Variants in CNTNAP5 observed in about 807,000 individuals in gnomAD.
CNTNAP5 encodes contactin associated protein family member 5, also known as contactin-associated protein-like 5.
Under a neutral mutation model 150.2 loss-of-function variants are expected in CNTNAP5, and 72 were observed. The observed-to-expected ratio is 0.48, with a 90% confidence interval of 0.40 to 0.58. The LOEUF (loss-of-function observed/expected upper bound fraction) is 0.58, where lower values mean the gene tolerates loss of function less well. Ranked by LOEUF, CNTNAP5 falls within the 20% of genes least tolerant of loss-of-function variation. The pLI, the probability that CNTNAP5 is intolerant of heterozygous loss-of-function variation, is 0.00. For missense variants in CNTNAP5, 1,636 were observed against 1,626.2 expected (o/e 1.01, Z -0.10); for synonymous variants, 672 against 619.8 (o/e 1.08, Z -1.25).
At chr2:124,355,912 A>G (rs1163181236) in intron 3 of CNTNAP5, among the ~76,000 whole-genome samples, 1 of 152,188 alleles carries the variant, frequency 6.6e-6, no homozygotes, top group East Asian at 1.9e-4. Context: ...AGTGTCTAAA[A>G]GAATAGAGGC....
At chr2:124,468,782 C>A (rs146250520) in intron 6 of CNTNAP5, among the ~76,000 whole-genome samples, 1 of 152,290 alleles carries the variant, frequency 6.6e-6, no homozygotes, top group East Asian at 1.9e-4. Flanking sequence ...CCATTTGTAC[C>A]CTCAACCTGC....
chr2:124,864,467 C>T (rs1573671639), intron 19 of CNTNAP5, among the ~76,000 whole-genome samples: 1 of 149,326 alleles, frequency 6.7e-6, no homozygotes, highest in East Asian at 1.9e-4. Flanking sequence ...TCCCATCTAG[C>T]TTAATCTTAT....
intron 3 of CNTNAP5, among the ~76,000 whole-genome samples, chr2:124,402,112 G>A (rs935952171): frequency 3.1e-4 from 47 of 152,152 alleles, no homozygotes; most frequent in African/African-American, 1.1e-3. Context: ...AGGGGTAAAA[G>A]AATAACAAAG....
intron 17 of CNTNAP5, among the ~76,000 whole-genome samples, chr2:124,785,050 A>G (rs573047890): frequency 0.078 from 11,727 of 151,044 alleles, 799 homozygotes; most frequent in African/African-American, 0.18. Flanking sequence ...AGAAAAAAAA[A>G]AAAAAAACAA....
rs191367883 is a variant in CNTNAP5, at chr2:124,108,773, C to A, written c.82+83041C>A. Reference sequence around the variant, plus strand: ...AACCCTTCACTGGAGAACCACTTGTCCAGTACAGATATAACAGCAACTTCC... The same window carrying A: ...AACCCTTCACTGGAGAACCACTTGTACAGTACAGATATAACAGCAACTTCC... On this transcript the variant is annotated intron_variant, in intron 1 of 23. Coordinates refer to ENST00000682447, the MANE Select transcript of CNTNAP5 (RefSeq NM_001367498.1). Among the ~76,000 whole-genome samples the A allele has an allele frequency of 5.3e-5, 8 of 152,268 alleles. No individual in the cohort carries two copies. In the East Asian group the frequency reaches 1.5e-3, roughly 29 times the overall value.
intron 1 of CNTNAP5, among the ~76,000 whole-genome samples, chr2:124,028,748 G>A (rs554089782): frequency 5.3e-5 from 8 of 152,216 alleles, no homozygotes; most frequent in Non-Finnish European, 7.4e-5. Context: ...GAGCTGAGGA[G>A]TTCTAGCCCT....
chr2:124,208,498 C>T lies in CNTNAP5; in HGVS notation c.83-13207C>T, dbSNP rs146134762. Among the ~76,000 whole-genome samples the T allele has an allele frequency of 3.6e-3, 549 of 152,306 alleles. 4 individuals carry two copies. Among genetic ancestry groups the T allele is most frequent in the African/African-American group, 0.013 (533 of 41,568 alleles). The stretch of plus-strand genomic sequence containing the variant: ...ATAGCATGTGAAAGAATGTCAAAAA[C>T]CAGAGGCCTGGGCTTGAGATTTAGC... On this transcript the variant is annotated intron_variant, in intron 1 of 23. Transcript: ENST00000682447.
At chr2:124,543,707 G>C (rs937867642) in intron 10 of CNTNAP5, among the ~76,000 whole-genome samples, 1 of 152,076 alleles carries the variant, frequency 6.6e-6, no homozygotes, top group South Asian at 2.1e-4. Flanking sequence ...AGAAGTGCCT[G>C]GCAGAAACTT....
intron 1 of CNTNAP5, among the ~76,000 whole-genome samples, chr2:124,046,664 A>C (rs553581198): frequency 1.3e-5 from 2 of 152,106 alleles, no homozygotes; most frequent in East Asian, 3.9e-4. Context: ...AAAGAAGACG[A>C]TTGGGTTTTT....
intron 10 of CNTNAP5, among the ~76,000 whole-genome samples, chr2:124,545,703 T>C (rs1504009): frequency 0.42 from 63,099 of 151,730 alleles, 13,583 homozygotes; most frequent in East Asian, 0.64. Context: ...GTCTCCGTAC[T>C]AGCACAAATG....
chr2:124,244,559 T>G (rs1686971339), intron 3 of CNTNAP5, among the ~76,000 whole-genome samples: 1 of 152,104 alleles, frequency 6.6e-6, no homozygotes, highest in South Asian at 2.1e-4. Context: ...CAGAGATGCT[T>G]GCAGTGGCTG....
At chr2:124,646,707 G>A (rs1558718429) in intron 12 of CNTNAP5, among the ~76,000 whole-genome samples, 1 of 152,156 alleles carries the variant, frequency 6.6e-6, no homozygotes, top group Non-Finnish European at 1.5e-5. Flanking sequence ...TTGCAACTTT[G>A]TATTTGTGGT....
chr2:124,420,103 G>C (rs1692063119), intron 4 of CNTNAP5, among the ~76,000 whole-genome samples: 1 of 145,420 alleles, frequency 6.9e-6, no homozygotes, highest in African/African-American at 2.6e-5. Context: ...TGATTCTGCT[G>C]CCTCACCCTC....
At chr2:124,069,094 C>A (rs1682235969) in intron 1 of CNTNAP5, among the ~76,000 whole-genome samples, 1 of 152,044 alleles carries the variant, frequency 6.6e-6, no homozygotes, top group African/African-American at 2.4e-5. Flanking sequence ...CTGTCTTGAG[C>A]CAGAGGGGAG....
intron 11 of CNTNAP5, among the ~76,000 whole-genome samples, chr2:124,574,638 A>G (rs1292651685): frequency 2.0e-5 from 3 of 152,202 alleles, no homozygotes; most frequent in Non-Finnish European, 4.4e-5. Flanking sequence ...TTTCATTTGG[A>G]ATGAGTCAAC....
At chr2:124,423,840 A>G (rs1406003789) in intron 4 of CNTNAP5, among the ~76,000 whole-genome samples, 1 of 93,350 alleles carries the variant, frequency 1.1e-5, no homozygotes, top group Non-Finnish European at 2.2e-5. Context: ...AATTTTTTGT[A>G]TTTTTAGTAG....
intron 3 of CNTNAP5, among the ~76,000 whole-genome samples, chr2:124,407,567 T>A (rs1691606467): frequency 6.6e-6 from 1 of 152,176 alleles, no homozygotes; most frequent in Non-Finnish European, 1.5e-5. Context: ...TTCAATACCC[T>A]TCTTCACAGG....
At chr2:124,417,098 C>T (rs1329119712) in intron 3 of CNTNAP5, among the ~76,000 whole-genome samples, 3 of 151,666 alleles carry the variant, frequency 2.0e-5, no homozygotes, top group Non-Finnish European at 1.5e-5. Context: ...CCACCATGCC[C>T]AGCTAATTTT....
At chr2:124,606,524 G>GA (rs898749910) in intron 11 of CNTNAP5, among the ~76,000 whole-genome samples, 23 of 149,034 alleles carry the variant, frequency 1.5e-4, no homozygotes, top group South Asian at 4.2e-4. Flanking sequence ...GATGAAAATT[G>GA]AAAAAAAAAA....
Sources: allele counts gnomAD v4.1 joint callset (sites outside exome capture counted in the v4.1 genomes callset), GRCh38; gene constraint gnomAD v4.1.1; transcripts MANE v1.5; gene names NCBI Gene and HGNC (gene_info 2026-07-23, HGNC 2026-07-21).